The following FRMD4A variants were observed in gnomAD, a reference collection of about 807,000 sequenced individuals.
The protein encoded by FRMD4A is FERM domain containing 4A, also known as FERM domain-containing protein 4A.
A neutral mutation model predicts 129.1 loss-of-function variants in FRMD4A; 29 were observed. The observed-to-expected ratio is 0.22, with a 90% confidence interval of 0.17 to 0.31. FRMD4A has a LOEUF of 0.31. FRMD4A is among the 10% of genes least tolerant of loss of function. The pLI, the probability that FRMD4A is intolerant of heterozygous loss-of-function variation, is 1.00. For missense variants in FRMD4A, 1,272 were observed against 1,375.8 expected (o/e 0.92, Z 1.19); for synonymous variants, 634 against 571.6 (o/e 1.11, Z -1.56).
At chr10:13,822,836 C>T (rs2093649323) in intron 3 of FRMD4A, among the ~76,000 whole-genome samples, 1 of 152,126 alleles carries the variant, frequency 6.6e-6, no homozygotes, top group South Asian at 2.1e-4. Context: ...CCAACTCCTC[C>T]CCAAACCAAC....
At chr10:14,256,826 T>C (rs1258667873) in intron 2 of FRMD4A, among the ~76,000 whole-genome samples, 1 of 151,920 alleles carries the variant, frequency 6.6e-6, no homozygotes, top group Non-Finnish European at 1.5e-5. Context: ...CTTCAAAAAA[T>C]TTTTTAAAAT....
chr10:14,030,157 G>A (rs1193582052), intron 2 of FRMD4A, among the ~76,000 whole-genome samples: 1 of 152,202 alleles, frequency 6.6e-6, no homozygotes, highest in Non-Finnish European at 1.5e-5. Context: ...TACGCAGGAG[G>A]AATAAGTTCT....
chr10:13,772,487 T>C (rs1392206972), intron 6 of FRMD4A, among the ~76,000 whole-genome samples: 1 of 152,158 alleles, frequency 6.6e-6, no homozygotes, highest in Non-Finnish European at 1.5e-5. Flanking sequence ...CAACTCTGAC[T>C]GGACAGAGGG....
At chr10:14,007,454 A>T (rs1242484938) in intron 2 of FRMD4A, 2 of 152,564 alleles carry the variant, frequency 1.3e-5, no homozygotes, top group Admixed American at 6.5e-5. Flanking sequence ...TTTCTCTACT[A>T]GGGGCTTCCA....
intron 2 of FRMD4A, among the ~76,000 whole-genome samples, chr10:14,052,724 A>T (rs1588876087): frequency 2.0e-5 from 3 of 150,452 alleles, no homozygotes; most frequent in South Asian, 4.2e-4. Context: ...ATAACTGGCT[A>T]TTTTTTTTTC....
At chr10:14,288,881 CCTT>C (rs1260568924) in intron 2 of FRMD4A, among the ~76,000 whole-genome samples, 1 of 152,150 alleles carries the variant, frequency 6.6e-6, no homozygotes, top group Non-Finnish European at 1.5e-5. Context: ...CAGCATTTGT[CCTT>C]CTATGCATGG....
chr10:14,221,280 A>G (rs1462501242), intron 2 of FRMD4A, among the ~76,000 whole-genome samples: 1 of 152,184 alleles, frequency 6.6e-6, no homozygotes, highest in East Asian at 1.9e-4. Flanking sequence ...CTGGCTGTCC[A>G]TAGGTCAGGG....
At chr10:14,064,204 A>G (rs17136999) in intron 2 of FRMD4A, among the ~76,000 whole-genome samples, 12,393 of 152,242 alleles carry the variant, frequency 0.081, 668 homozygotes, top group East Asian at 0.21. Flanking sequence ...GAAGCATTCA[A>G]AGAGCTGAGA....
At chr10:13,867,361 A>C (rs1246034898) in intron 2 of FRMD4A, among the ~76,000 whole-genome samples, 1 of 151,792 alleles carries the variant, frequency 6.6e-6, no homozygotes, top group African/African-American at 2.4e-5. Context: ...CTGGGGCTCA[A>C]GAGATTCTCC....
chr10:13,840,254 T>C (rs2093941472), intron 3 of FRMD4A, among the ~76,000 whole-genome samples: 1 of 152,002 alleles, frequency 6.6e-6, no homozygotes, highest in Admixed American at 6.6e-5. Flanking sequence ...TGGGTCCTTC[T>C]GGGAAGGGGA....
At chr10:13,656,582 G>C (rs2082167958) in intron 22 of FRMD4A, 54 bp downstream of exon 22, 1 of 1,337,524 alleles carries the variant, frequency 7.5e-7, no homozygotes, top group South Asian at 2.2e-5. Context: ...CCTTGACACC[G>C]GCAAGCAGTT....
intron 2 of FRMD4A, among the ~76,000 whole-genome samples, chr10:14,145,907 T>C (rs1380888002): frequency 1.3e-5 from 2 of 152,168 alleles, no homozygotes; most frequent in Non-Finnish European, 2.9e-5. Flanking sequence ...CTTATTTTGT[T>C]CTGAAATGAT....
intron 5 of FRMD4A, among the ~76,000 whole-genome samples, chr10:13,793,176 T>C (rs553808970): frequency 3.3e-5 from 5 of 151,620 alleles, no homozygotes; most frequent in African/African-American, 9.7e-5. Context: ...CTGTTTCTTT[T>C]TTTTTTTTTT....
intron 2 of FRMD4A, among the ~76,000 whole-genome samples, chr10:14,269,918 C>A (rs535184873): frequency 6.6e-6 from 1 of 152,300 alleles, no homozygotes; most frequent in East Asian, 1.9e-4. Flanking sequence ...AATGTTTGAG[C>A]TGCCCCAGGG....
chr10:13,797,347 T>C (rs540203153), intron 4 of FRMD4A, among the ~76,000 whole-genome samples: 1 of 152,304 alleles, frequency 6.6e-6, no homozygotes, highest in East Asian at 1.9e-4. Context: ...AACGTTAAAC[T>C]TACCGCCAGG....
chr10:14,187,548 A>T (rs1026171253), intron 2 of FRMD4A, among the ~76,000 whole-genome samples: 1 of 152,098 alleles, frequency 6.6e-6, no homozygotes, highest in Admixed American at 6.6e-5. Flanking sequence ...TTTACCCCCA[A>T]ATTGACATAG....
intron 2 of FRMD4A, among the ~76,000 whole-genome samples, chr10:14,056,449 C>T (rs1170275610): frequency 6.6e-6 from 1 of 151,804 alleles, no homozygotes; most frequent in Non-Finnish European, 1.5e-5. Flanking sequence ...TTAGTTGCAG[C>T]CTCTGTCCCA....
intron 2 of FRMD4A, among the ~76,000 whole-genome samples, chr10:14,284,465 G>A (rs558179321): frequency 2.0e-5 from 3 of 152,222 alleles, no homozygotes; most frequent in Non-Finnish European, 2.9e-5. Context: ...TGGCTAACAC[G>A]GTGAAACCCC....
At chr10:13,768,654 T>C (rs1380704520) in intron 6 of FRMD4A, among the ~76,000 whole-genome samples, 1 of 152,174 alleles carries the variant, frequency 6.6e-6, no homozygotes. Flanking sequence ...AAGATAATAG[T>C]GGCATGCCAT....
Sources: allele counts gnomAD v4.1 joint callset (sites outside exome capture counted in the v4.1 genomes callset), GRCh38; gene constraint gnomAD v4.1.1; transcripts MANE v1.5; gene names NCBI Gene and HGNC (gene_info 2026-07-23, HGNC 2026-07-21).